The following WDFY3 variants were observed in gnomAD, a reference collection of about 807,000 sequenced individuals.
The protein encoded by WDFY3 is WD repeat and FYVE domain-containing protein 3.
A neutral mutation model predicts 409.6 loss-of-function variants in WDFY3; 66 were observed. The ratio of observed to expected loss-of-function variants is 0.16; its 90% CI spans 0.13 to 0.20. The LOEUF (loss-of-function observed/expected upper bound fraction) is 0.20, where lower values mean the gene tolerates loss of function less well. Among genes scored for constraint, WDFY3 ranks in the 10% least tolerant of loss-of-function variants. The pLI, the probability that WDFY3 is intolerant of heterozygous loss-of-function variation, is 1.00. For missense variants in WDFY3, 3,031 were observed against 4,298.1 expected, an observed-to-expected ratio of 0.71 and a Z score of 8.24; for synonymous variants, 1,521 against 1,537.1, an observed-to-expected ratio of 0.99 and a Z score of 0.25.
At chr4:84,791,542 T>C (rs993731673) in intron 21 of WDFY3, among the ~76,000 whole-genome samples, 6 of 152,180 alleles carry the variant, frequency 3.9e-5, no homozygotes, top group Non-Finnish European at 7.4e-5. Flanking sequence ...ATAACAACAA[T>C]AATGTGTTGT....
intron 2 of WDFY3, among the ~76,000 whole-genome samples, chr4:84,912,184 G>A (rs942327330): frequency 1.6e-4 from 25 of 152,166 alleles, no homozygotes; most frequent in Non-Finnish European, 3.5e-4. Flanking sequence ...AGTGATGCTG[G>A]CTGTGTTCCC....
chr4:84,704,522 A>C, intron 54 of WDFY3, 78 bp from the exon 55 acceptor site: 1 of 1,192,292 alleles, frequency 8.4e-7, no homozygotes, highest in Non-Finnish European at 1.2e-6. Context: ...TTTATGCTTG[A>C]AAATGCTAGC....
At chr4:84,839,810 G>C (rs865940920) in intron 6 of WDFY3, among the ~76,000 whole-genome samples, 6 of 151,588 alleles carry the variant, frequency 4.0e-5, no homozygotes, top group African/African-American at 1.5e-4. Context: ...GTGAGCCGAG[G>C]CCGCACCATT....
At chr4:84,806,723 CA>C (rs1751574003) in intron 15 of WDFY3, among the ~76,000 whole-genome samples, 1 of 152,066 alleles carries the variant, frequency 6.6e-6, no homozygotes, top group African/African-American at 2.4e-5. Context: ...TCTCCTGACT[CA>C]GCTCCTGAGT....
Position 84,903,214 on chromosome 4 carries a change from C to G in WDFY3, c.-131-6204G>C, listed in dbSNP as rs188134368. ...CCTTTGATATTATCAAACACATTAT[C>G]ACATATTTCAAATAAATGGAAAACC... On this transcript the variant is annotated intron_variant, in intron 2 of 67. Transcript: ENST00000295888. Among the ~76,000 whole-genome samples the G allele has an allele frequency of 8.5e-5, 13 of 152,220 alleles. No individual in the cohort carries two copies. In the East Asian group the frequency reaches 2.5e-3, roughly 29 times the overall value.
At chr4:84,682,989 C>G (rs1171628339) in intron 63 of WDFY3, 1 of 153,936 alleles carries the variant, frequency 6.5e-6, no homozygotes, top group East Asian at 1.9e-4. Context: ...GTCTCAAAAA[C>G]AAAACAAAAA....
intron 2 of WDFY3, among the ~76,000 whole-genome samples, chr4:84,900,010 T>C (rs1766139798): frequency 6.6e-6 from 1 of 152,308 alleles, no homozygotes; most frequent in Non-Finnish European, 1.5e-5. Flanking sequence ...ACTGTGCCAC[T>C]GTACTCTAGC....
chr4:84,942,595 T>G (rs1223960331), intron 1 of WDFY3, among the ~76,000 whole-genome samples: 1 of 152,232 alleles, frequency 6.6e-6, no homozygotes, highest in Non-Finnish European at 1.5e-5. Context: ...GTTGACTGTT[T>G]GCTAAAATGG....
chr4:84,739,164 G>C (rs779278550), intron 39 of WDFY3, 45 bp from the exon 40 acceptor site: 8 of 1,563,356 alleles, frequency 5.1e-6, no homozygotes, highest in Non-Finnish European at 5.3e-6. Flanking sequence ...GAAATGATTA[G>C]CTGAAGACTA....
At chr4:84,708,243 A>T (rs1044991532) in intron 53 of WDFY3, among the ~76,000 whole-genome samples, 32 of 152,190 alleles carry the variant, frequency 2.1e-4, no homozygotes, top group Middle Eastern at 3.2e-3. Context: ...TAGTATAAAA[A>T]ATTTCTTTTA....
intron 3 of WDFY3, among the ~76,000 whole-genome samples, chr4:84,881,681 G>T (rs1268111343): frequency 6.6e-6 from 1 of 151,878 alleles, no homozygotes; most frequent in Non-Finnish European, 1.5e-5. Context: ...GAGCTCAGGA[G>T]TTCGAGACCA....
intron 2 of WDFY3, among the ~76,000 whole-genome samples, chr4:84,907,083 C>T (rs1767139091): frequency 6.6e-6 from 1 of 152,000 alleles, no homozygotes; most frequent in Non-Finnish European, 1.5e-5. Context: ...GAATTTATTT[C>T]CATTTGGACA....
In WDFY3 at chr4:84,772,760, C is replaced by T. The variant is rs569534711; in HGVS notation, c.4849+75G>A. 3 of 1,178,044 alleles carry T rather than the reference C, an allele frequency of 2.5e-6. No individual in the cohort carries two copies. In the East Asian group the frequency reaches 7.8e-5, roughly 31 times the overall value. 73.0% of individuals were successfully genotyped at this position (1,178,044 alleles called of 1,614,324 possible). On this transcript the variant is annotated intron_variant, in intron 30 of 67. Coordinates refer to ENST00000295888, the MANE Select transcript of WDFY3 (RefSeq NM_014991.6). ...ATATATAATCACATGTAATTCAGGTCTAATTTGGGCCAGAAGAAAAAAGGC... is the reference window on the plus strand; with the variant it reads ...ATATATAATCACATGTAATTCAGGTTTAATTTGGGCCAGAAGAAAAAAGGC...
chr4:84,857,444 T>G (rs1221064812), intron 4 of WDFY3, among the ~76,000 whole-genome samples: 1 of 152,156 alleles, frequency 6.6e-6, no homozygotes, highest in Non-Finnish European at 1.5e-5. Flanking sequence ...CCCTAACTGC[T>G]CTAAACATTC....
rs766185371 is a variant in WDFY3, at chr4:84,733,555, C to T, written c.7048G>A (p.Glu2350Lys). Residue 2350 changes from glutamate (E) to lysine (K), a missense_variant, in exon 44 of 68, where the codon GAG becomes AAG. Glu to Lys is a moderately conservative substitution (Grantham distance 56). This residue lies in a region of WDFY3 where 98 missense variants were observed against 194.9 expected (regional missense o/e 0.50). Transcript: ENST00000295888. ...CACAGCCCCCGCTCCCTCAACAGCT[C>T]GCACTCGATCTGACACCACTCTTCT... ...VTEEWCQIEC[E>K]LLRERGLWGP... 1.2e-6 allele frequency: 2 copies of T among 1,614,138 alleles called. No individual in the cohort carries two copies. Among genetic ancestry groups the T allele is most frequent in the Admixed American group, 1.7e-5 (1 of 60,020 alleles).
At chr4:84,841,057 T>C in intron 6 of WDFY3, 97 bp downstream of exon 6, 2 of 927,044 alleles carry the variant, frequency 2.2e-6, no homozygotes, top group South Asian at 1.7e-5. Context: ...TATCATAGTA[T>C]CTCATTTGGA....
rs981174790 is a variant in WDFY3 at position 84,688,343 on chromosome 4, T to G, written c.9364-78A>C. ...CACAGTGACTCCAGAAGCTCCTGGA[T>G]GCATCAGGAAGCAGTGGCACGCATG... is the stretch of plus-strand genomic sequence containing the variant. On this transcript the variant is annotated intron_variant, in intron 61 of 67. Coordinates refer to ENST00000295888, the MANE Select transcript of WDFY3 (RefSeq NM_014991.6). 2.2e-5 allele frequency: 32 copies of G among 1,437,346 alleles called. No homozygotes were observed. The Middle Eastern group carries it at 5.5e-4, about 25-fold the overall frequency. 89.0% of individuals were successfully genotyped at this position (1,437,346 alleles called of 1,614,324 possible).
At chr4:84,728,576 C>T (rs1736047850) in intron 44 of WDFY3, among the ~76,000 whole-genome samples, 1 of 152,058 alleles carries the variant, frequency 6.6e-6, no homozygotes, top group Non-Finnish European at 1.5e-5. Context: ...AGATATGCAA[C>T]AAATAAGTAC....
At chr4:84,703,062 A>G (rs1200872655) in intron 55 of WDFY3, among the ~76,000 whole-genome samples, 1 of 151,388 alleles carries the variant, frequency 6.6e-6, no homozygotes, top group East Asian at 1.9e-4. Context: ...GTGCCACTGC[A>G]CTCCAGCCTG....
Sources: gnomAD v4.1 joint callset for allele counts (sites outside exome capture counted in the v4.1 genomes callset) on GRCh38, gnomAD v4.1.1 for gene constraint, gnomAD v4.1.1 regional missense constraint, MANE v1.5 for transcripts, NCBI Gene and HGNC (gene_info 2026-07-23, HGNC 2026-07-21) for gene names.